CDYL: variants seen among roughly 807,000 people sequenced by gnomAD.
CDYL encodes the protein chromodomain Y-like protein.
In CDYL, 8 loss-of-function variants were observed where a neutral mutation model predicts 47.3. The ratio of observed to expected loss-of-function variants is 0.17; its 90% CI spans 0.10 to 0.31. The LOEUF is 0.31. Ranked by LOEUF, CDYL falls within the 10% of genes least tolerant of loss-of-function variation. CDYL has a pLI of 1.00. For missense variants in CDYL, 471 were observed against 701.4 expected (o/e 0.67, Z 3.71); for synonymous variants, 266 against 265.0 (o/e 1.00, Z -0.04).
chr6:4,739,026 T>C (rs914058370), intron 3 of CDYL, among the ~76,000 whole-genome samples: 1 of 152,024 alleles, frequency 6.6e-6, no homozygotes, highest in South Asian at 2.1e-4. Context: ...CCGGGCGTGG[T>C]GGCACATGCC....
In CDYL at chr6:4,741,578, G is replaced by T. The variant is rs561710621; in HGVS notation, c.186+6734G>T. Among the ~76,000 whole-genome samples the T allele has an allele frequency of 5.3e-5, 8 of 152,218 alleles. No homozygotes were observed. In the East Asian group the frequency reaches 1.5e-3, roughly 29 times the overall value. On this transcript the variant is annotated intron_variant, in intron 3 of 8. Transcript: ENST00000328908. ...CCTGTTTCTAAGTTCAAATCAGCAGGAAGGAGAAGGGAAGGGCATGGTTCT... is the reference window on the plus strand; with the variant it reads ...CCTGTTTCTAAGTTCAAATCAGCAGTAAGGAGAAGGGAAGGGCATGGTTCT...
chr6:4,888,697 A>T (rs893696783), intron 1 of CDYL, among the ~76,000 whole-genome samples: 1 of 151,948 alleles, frequency 6.6e-6, no homozygotes, highest in Non-Finnish European at 1.5e-5. Flanking sequence ...TCCTAAGATA[A>T]AGGGTTAGGT....
intron 1 of CDYL, among the ~76,000 whole-genome samples, chr6:4,815,828 AAT>A (rs527724573): frequency 1.1e-3 from 163 of 151,974 alleles, no homozygotes; most frequent in African/African-American, 3.6e-3. Context: ...GGCTTTTAAA[AAT>A]ATATGTATTT....
chr6:4,839,442 T>C (rs915205605), intron 1 of CDYL, among the ~76,000 whole-genome samples: 5 of 152,274 alleles, frequency 3.3e-5, no homozygotes, highest in Non-Finnish European at 7.3e-5. Flanking sequence ...CATCTATTTA[T>C]CTTTGTTTTT....
chr6:4,805,998 G>A (rs187704444), intron 1 of CDYL, among the ~76,000 whole-genome samples: 2 of 152,374 alleles, frequency 1.3e-5, no homozygotes, highest in African/African-American at 2.4e-5. Flanking sequence ...GCAGCAAGCC[G>A]CTGGCGCAGG....
At chr6:4,917,811 G>A (rs1757598862) in intron 2 of CDYL, among the ~76,000 whole-genome samples, 1 of 152,172 alleles carries the variant, frequency 6.6e-6, no homozygotes, top group Non-Finnish European at 1.5e-5. Context: ...TCCTTACTCT[G>A]GGTAATTACA....
At chr6:4,862,833 C>G (rs1761211050) in intron 1 of CDYL, among the ~76,000 whole-genome samples, 1 of 152,116 alleles carries the variant, frequency 6.6e-6, no homozygotes, top group Non-Finnish European at 1.5e-5. Flanking sequence ...TCATTTGACC[C>G]AGCAATCCCT....
At chr6:4,792,737 C>T (rs1256371604) in intron 1 of CDYL, among the ~76,000 whole-genome samples, 3 of 152,056 alleles carry the variant, frequency 2.0e-5, no homozygotes, top group African/African-American at 4.8e-5. Flanking sequence ...CGCCTGGCTT[C>T]TCTCATTTCG....
At chr6:4,889,688 A>G (rs909519040) in intron 1 of CDYL, among the ~76,000 whole-genome samples, 1 of 152,120 alleles carries the variant, frequency 6.6e-6, no homozygotes, top group Non-Finnish European at 1.5e-5. Flanking sequence ...CTTCCTTGCT[A>G]TAAGAACAGG....
At chr6:4,890,020 G>A (rs971091598) in intron 1 of CDYL, 2 of 985,450 alleles carry the variant, frequency 2.0e-6, no homozygotes, top group African/African-American at 1.7e-5. Context: ...AACAAAAGCA[G>A]TGTGCTCCAC....
At chr6:4,826,185 G>GT (rs2127451185) in intron 1 of CDYL, among the ~76,000 whole-genome samples, 1 of 152,274 alleles carries the variant, frequency 6.6e-6, no homozygotes, top group South Asian at 2.1e-4. Context: ...TGAGCAGGTG[G>GT]TTTAGTATCC....
At chr6:4,821,047 A>G (rs1192784117) in intron 1 of CDYL, among the ~76,000 whole-genome samples, 2 of 152,110 alleles carry the variant, frequency 1.3e-5, no homozygotes, top group Non-Finnish European at 2.9e-5. Context: ...GATTGTATTC[A>G]TCTTATTAAT....
At chr6:4,791,430 C>T (rs1319905385) in intron 1 of CDYL, among the ~76,000 whole-genome samples, 1 of 152,176 alleles carries the variant, frequency 6.6e-6, no homozygotes, top group Admixed American at 6.5e-5. Flanking sequence ...ATCTGTTTCT[C>T]AATTAGGGAG....
chr6:4,882,117 A>G (rs1271678355), intron 1 of CDYL, among the ~76,000 whole-genome samples: 1 of 152,142 alleles, frequency 6.6e-6, no homozygotes, highest in African/African-American at 2.4e-5. Flanking sequence ...ACATGTTGGT[A>G]CCCTGGGTAC....
intron 1 of CDYL, among the ~76,000 whole-genome samples, chr6:4,878,659 G>T (rs1297303949): frequency 6.6e-6 from 1 of 151,954 alleles, no homozygotes; most frequent in Non-Finnish European, 1.5e-5. Context: ...TTGGTAGTGT[G>T]TGTTTTATTT....
chr6:4,860,958 G>T (rs1206783702), intron 1 of CDYL, among the ~76,000 whole-genome samples: 1 of 151,874 alleles, frequency 6.6e-6, no homozygotes, highest in Non-Finnish European at 1.5e-5. Flanking sequence ...ATCTGTTTTG[G>T]CCACACCCAC....
At chr6:4,911,196 C>G (rs1345046937) in intron 2 of CDYL, among the ~76,000 whole-genome samples, 2 of 152,182 alleles carry the variant, frequency 1.3e-5, no homozygotes, top group South Asian at 4.1e-4. Flanking sequence ...TAAATCCAAG[C>G]GAAGATGTCA....
chr6:4,781,283 A>G (rs904890116), intron 1 of CDYL, among the ~76,000 whole-genome samples: 1 of 152,212 alleles, frequency 6.6e-6, no homozygotes, highest in Non-Finnish European at 1.5e-5. Context: ...TTTTACTTAC[A>G]TTGACCAAAA....
At chr6:4,786,305 C>G (rs1214577372) in intron 1 of CDYL, among the ~76,000 whole-genome samples, 1 of 152,182 alleles carries the variant, frequency 6.6e-6, no homozygotes, top group Non-Finnish European at 1.5e-5. Flanking sequence ...CCAAGGAGCT[C>G]TTCTCCAGAG....
Sources: allele counts gnomAD v4.1 joint callset (sites outside exome capture counted in the v4.1 genomes callset), GRCh38; gene constraint gnomAD v4.1.1; transcripts MANE v1.5; gene names NCBI Gene and HGNC (gene_info 2026-07-23, HGNC 2026-07-21).